Variants in ABI2 observed in about 807,000 individuals in gnomAD.
ABI2 encodes the protein abelson interactor 2.
ABI2 carries 25 observed loss-of-function variants against 59.2 expected under a neutral mutation model. The observed-to-expected ratio is 0.42, with a 90% confidence interval of 0.31 to 0.59. ABI2 has a LOEUF of 0.59. Ranked by LOEUF, ABI2 falls within the 20% of genes least tolerant of loss-of-function variation. ABI2 has a pLI of 0.14. For missense variants in ABI2, 545 were observed against 681.8 expected (o/e 0.80, Z 2.23); for synonymous variants, 213 against 235.5 (o/e 0.90, Z 0.87).
intron 1 of ABI2, among the ~76,000 whole-genome samples, chr2:203,358,104 TG>T (rs2092657082): frequency 6.8e-6 from 1 of 147,098 alleles, no homozygotes; most frequent in African/African-American, 2.5e-5. Context: ...TGTGTGTGTG[TG>T]TGTGTGTGTT....
chr2:203,333,349 C>G (rs1447873306), intron 1 of ABI2, among the ~76,000 whole-genome samples: 1 of 152,094 alleles, frequency 6.6e-6, no homozygotes, highest in Admixed American at 6.5e-5. Context: ...GTTCTATATT[C>G]TGTACCTTTA....
chr2:203,422,527 C>T (rs1042465521), intron 11 of ABI2, among the ~76,000 whole-genome samples: 9 of 152,116 alleles, frequency 5.9e-5, no homozygotes, highest in Non-Finnish European at 1.2e-4. Context: ...AAAGATGACT[C>T]CTAGTTTCCT....
chr2:203,374,688 G>C (rs1259828900), intron 2 of ABI2: 2 of 361,334 alleles, frequency 5.5e-6, no homozygotes, highest in Non-Finnish European at 1.2e-5. Context: ...TTTTATGAAT[G>C]ATACATAATT....
rs1201392300 is a variant in ABI2 at position 203,431,332 on chromosome 2, A to C, written c.*3980A>C. The C allele has an allele frequency of 6.6e-6, 1 of 152,582 alleles. No individual in the cohort carries two copies. Among genetic ancestry groups the C allele is most frequent in the Non-Finnish European group, 1.5e-5 (1 of 68,034 alleles). 9.5% of individuals were successfully genotyped at this position (152,582 alleles called of 1,614,324 possible). On this transcript the variant is annotated 3_prime_UTR_variant, in exon 12 of 12. Coordinates refer to ENST00000261018, the MANE Select transcript of ABI2 (RefSeq NM_001375670.1). ...ACTGCACCACAACTGTCTTAACTAA[A>C]TGTGCTGTATTTTTCTTTAAAAGTT...
At chr2:203,399,689 A>G (rs2097143711) in intron 8 of ABI2, among the ~76,000 whole-genome samples, 1 of 151,910 alleles carries the variant, frequency 6.6e-6, no homozygotes, top group African/African-American at 2.4e-5. Context: ...TAATTTTTGT[A>G]TTTTTAGTAG....
intron 2 of ABI2, among the ~76,000 whole-genome samples, chr2:203,370,536 C>T (rs985262024): frequency 6.6e-6 from 1 of 152,156 alleles, no homozygotes; most frequent in African/African-American, 2.4e-5. Context: ...CATATAAAAG[C>T]AGGCAGCGGG....
Position 203,394,752 on chromosome 2 carries a change from A to G in ABI2, c.631A>G (p.Asn211Asp). ...LEPVRPPVVPNDYVPSPTRNM... is the reference protein window; with the variant it reads ...LEPVRPPVVPDDYVPSPTRNM... ...GCCAGTGCGTCCTCCAGTGGTACCA[A>G]ATGATTACGTACCTAGCCCAACCCG... The change falls in exon 6 of 12, where the codon AAT becomes GAT. Residue 211 changes from asparagine to aspartate, a missense_variant. Coordinates refer to ENST00000261018, the MANE Select transcript of ABI2 (RefSeq NM_001375670.1). 6.2e-7 allele frequency: 1 copy of G among 1,614,096 alleles called. No homozygotes were observed. Among genetic ancestry groups the G allele is most frequent in the South Asian group, 1.1e-5 (1 of 91,074 alleles).
Position 203,386,503 on chromosome 2 carries a change from T to G in ABI2, c.480+4297T>G, listed in dbSNP as rs191975801. 1.3e-4 allele frequency: 83 copies of G among 626,302 alleles called. 1 individual carries two copies. The East Asian group carries it at 4.5e-3, about 34-fold the overall frequency. The allele number at this position is 626,302 out of a possible 1,614,324, so 38.8% of individuals were successfully genotyped here. On this transcript the variant is annotated intron_variant, in intron 4 of 11. Coordinates refer to ENST00000261018, the MANE Select transcript of ABI2 (RefSeq NM_001375670.1). Reference sequence around the variant, plus strand: ...GTTGCCCAGTCTGGAATCCTGTTCTTTTAAAACTTAACAAGTTTAAGAAAT... The same window carrying G: ...GTTGCCCAGTCTGGAATCCTGTTCTGTTAAAACTTAACAAGTTTAAGAAAT...
chr2:203,405,725 A>G (rs1199720503), intron 9 of ABI2, among the ~76,000 whole-genome samples: 1 of 152,052 alleles, frequency 6.6e-6, no homozygotes, highest in Non-Finnish European at 1.5e-5. Flanking sequence ...TGGGGGGGTA[A>G]TTGGAGTCTT....
chr2:203,403,531 G>A (rs1181175375), intron 9 of ABI2, among the ~76,000 whole-genome samples: 1 of 151,990 alleles, frequency 6.6e-6, no homozygotes, highest in African/African-American at 2.4e-5. Flanking sequence ...CTTTGAAAGA[G>A]TCTTGCAGAA....
rs2098483867 is a variant in ABI2, at chr2:203,431,589, T to C, written c.*4237T>C. The C allele has an allele frequency of 1.3e-5, 2 of 152,198 alleles. No individual in the cohort carries two copies. The highest frequency in any genetic ancestry group is 4.8e-5 in the African/African-American group (2 of 41,414). The allele number at this position is 152,198 out of a possible 1,614,324, so 9.4% of individuals were successfully genotyped here. Reference sequence around the variant, plus strand: ...GCAGGAGCACAGCACAGCAGCCTTATTGGAGAGAGCCTTATAAAAGTGATT... The same window carrying C: ...GCAGGAGCACAGCACAGCAGCCTTACTGGAGAGAGCCTTATAAAAGTGATT... On this transcript the variant is annotated 3_prime_UTR_variant, in exon 12 of 12. Coordinates refer to ENST00000261018, the MANE Select transcript of ABI2 (RefSeq NM_001375670.1).
At chr2:203,364,260 A>G (rs555750007) in intron 1 of ABI2, among the ~76,000 whole-genome samples, 2 of 151,150 alleles carry the variant, frequency 1.3e-5, no homozygotes, top group South Asian at 4.2e-4. Flanking sequence ...CACCCAGCTA[A>G]TTTTTGTATT....
chr2:203,347,929 G>A (rs1009347306), intron 1 of ABI2, among the ~76,000 whole-genome samples: 4 of 152,152 alleles, frequency 2.6e-5, no homozygotes, highest in Non-Finnish European at 5.9e-5. Flanking sequence ...TTAACCAGGT[G>A]ATAATATAAG....
chr2:203,381,412 G>C (rs968959768), intron 3 of ABI2, among the ~76,000 whole-genome samples: 1 of 152,170 alleles, frequency 6.6e-6, no homozygotes, highest in Non-Finnish European at 1.5e-5. Flanking sequence ...TGGGACTACA[G>C]GCACGTGCCA....
chr2:203,382,450 C>G (rs1001947938), intron 4 of ABI2, among the ~76,000 whole-genome samples: 4 of 152,082 alleles, frequency 2.6e-5, no homozygotes, highest in Admixed American at 1.3e-4. Context: ...ACATTAGGTG[C>G]TTAGTAAATA....
At chr2:203,417,286 TTATC>T (rs1334294167) in intron 11 of ABI2, among the ~76,000 whole-genome samples, 3 of 152,242 alleles carry the variant, frequency 2.0e-5, no homozygotes, top group Non-Finnish European at 4.4e-5. Context: ...AAACTGATGG[TTATC>T]TATATTGTTC....
intron 4 of ABI2, chr2:203,386,505 T>C: frequency 1.6e-6 from 1 of 638,310 alleles, no homozygotes; most frequent in South Asian, 7.1e-5. Flanking sequence ...CCTGTTCTTT[T>C]AAAACTTAAC....
intron 1 of ABI2, among the ~76,000 whole-genome samples, chr2:203,330,693 C>G (rs1378709558): frequency 6.6e-6 from 1 of 152,074 alleles, no homozygotes; most frequent in Non-Finnish European, 1.5e-5. Context: ...AGTTGCAGGT[C>G]AGAAGAGAAA....
chr2:203,345,190 T>A (rs2082521594), intron 1 of ABI2, among the ~76,000 whole-genome samples: 1 of 152,194 alleles, frequency 6.6e-6, no homozygotes, highest in Admixed American at 6.5e-5. Context: ...GCTTCACTCC[T>A]GAAGCCAGCG....
Sources: gnomAD v4.1 joint callset for allele counts (sites outside exome capture counted in the v4.1 genomes callset) on GRCh38, gnomAD v4.1.1 for gene constraint, MANE v1.5 for transcripts, NCBI Gene and HGNC (gene_info 2026-07-23, HGNC 2026-07-21) for gene names.